Variants in METTL16 observed in about 807,000 individuals in gnomAD.
METTL16 encodes methyltransferase 16, RNA N6-adenosine.
In METTL16, 19 loss-of-function variants were observed where a neutral mutation model predicts 57.9. The ratio of observed to expected loss-of-function variants is 0.33; its 90% CI spans 0.23 to 0.48. METTL16 has a LOEUF of 0.48. METTL16 is among the 20% of genes least tolerant of loss of function. METTL16 has a pLI of 0.99. For synonymous variants in METTL16, 246 were observed against 255.6 expected (o/e 0.96, Z 0.36); for missense variants, 434 against 691.5 (o/e 0.63, Z 4.18).
chr17:2,510,075 A>AC (rs1467891306), intron 1 of METTL16, among the ~76,000 whole-genome samples: 2 of 151,986 alleles, frequency 1.3e-5, no homozygotes, highest in Admixed American at 1.3e-4. Context: ...ACTGTCTCAA[A>AC]AAAAAAAAAG....
At chr17:2,455,642 C>T (rs2067104574) in intron 6 of METTL16, among the ~76,000 whole-genome samples, 1 of 152,064 alleles carries the variant, frequency 6.6e-6, no homozygotes, top group South Asian at 2.1e-4. Context: ...AAGCATCATA[C>T]CTGAGTTAAA....
intron 6 of METTL16, among the ~76,000 whole-genome samples, chr17:2,443,577 C>G (rs987298166): frequency 6.6e-6 from 1 of 151,398 alleles, no homozygotes; most frequent in Non-Finnish European, 1.5e-5. Flanking sequence ...AGCTCCACCT[C>G]CTGAGTTCAG....
At chr17:2,467,652 TCCTGACTTCATGATTCACCCG>T in intron 5 of METTL16, 88 bp downstream of exon 5, 4 of 746,394 alleles carry the variant, frequency 5.4e-6, no homozygotes, top group Non-Finnish European at 9.3e-6. Flanking sequence ...GGTCTCAAAC[TCCTGACTTCATGATTCACCCG>T]CCTTGGCCTC....
At position 2,419,396 on chromosome 17, in the gene METTL16, G is replaced by A. The variant is rs1185017938; in HGVS notation, c.*574C>T. 7.4e-6 allele frequency: 2 copies of A among 269,628 alleles called. No individual in the cohort carries two copies. The highest frequency in any genetic ancestry group is 3.4e-5 in the South Asian group (1 of 29,644). The allele number at this position is 269,628 out of a possible 1,614,324, so 16.7% of individuals were successfully genotyped here. A position where few individuals can be genotyped will look rare whatever the true frequency, so the allele number is the denominator to read the frequency against. ...AGGTGTCAGGAATGTGCCATTTACCGGGTGGTCCCCAGACTCTGCTGCTCC... is the reference window on the plus strand; with the variant it reads ...AGGTGTCAGGAATGTGCCATTTACCAGGTGGTCCCCAGACTCTGCTGCTCC... On this transcript the variant is annotated 3_prime_UTR_variant, in exon 10 of 10. Transcript: ENST00000263092.
At chr17:2,491,684 G>C (rs1473427520) in intron 2 of METTL16, among the ~76,000 whole-genome samples, 8 of 151,470 alleles carry the variant, frequency 5.3e-5, no homozygotes, top group Admixed American at 1.3e-4. Flanking sequence ...GACCATCCTG[G>C]CTAACACGGT....
At chr17:2,429,849 C>T (rs968304047) in intron 8 of METTL16, among the ~76,000 whole-genome samples, 4 of 151,744 alleles carry the variant, frequency 2.6e-5, no homozygotes, top group Non-Finnish European at 5.9e-5. Flanking sequence ...CTCGCTCTGT[C>T]GCCCAGGCTG....
intron 8 of METTL16, chr17:2,436,822 T>C (rs1442371867): frequency 6.6e-6 from 1 of 151,668 alleles, no homozygotes; most frequent in Non-Finnish European, 1.5e-5. Flanking sequence ...GAGGTGGTTT[T>C]CCTTTACCTA....
At chr17:2,428,597 ATAT>A (rs1220840630) in intron 8 of METTL16, among the ~76,000 whole-genome samples, 14,460 of 49,668 alleles carry the variant, frequency 0.29, 2,433 homozygotes, top group East Asian at 0.6. Context: ...ATATATATAT[ATAT>A]ATAAATTGTA....
chr17:2,473,010 T>C (rs1310422628), intron 4 of METTL16, among the ~76,000 whole-genome samples: 1 of 152,086 alleles, frequency 6.6e-6, no homozygotes, highest in African/African-American at 2.4e-5. Flanking sequence ...GATAATGATG[T>C]GCCAGCATAG....
intron 6 of METTL16, among the ~76,000 whole-genome samples, chr17:2,446,363 T>C (rs1292226577): frequency 6.6e-6 from 1 of 152,170 alleles, no homozygotes; most frequent in Non-Finnish European, 1.5e-5. Context: ...AAAACTGCCT[T>C]TACTTCTGCC....
At chr17:2,426,030 C>CAAAAAAAAAAAAAAAAAAAA (rs71375599) in intron 8 of METTL16, among the ~76,000 whole-genome samples, 1 of 93,158 alleles carries the variant, frequency 1.1e-5, no homozygotes, top group African/African-American at 3.8e-5. Context: ...ATGGCTAAGG[C>CAAAAAAAAAAAAAAAAAAAA]AAAAAAAAAA....
intron 6 of METTL16, among the ~76,000 whole-genome samples, chr17:2,462,576 G>A (rs749442996): frequency 1.9e-4 from 29 of 152,076 alleles, no homozygotes; most frequent in Admixed American, 1.2e-3. Context: ...TGCTGTTCTG[G>A]TGACAGTGAG....
At chr17:2,457,294 C>T (rs1300719158) in intron 6 of METTL16, among the ~76,000 whole-genome samples, 1 of 144,000 alleles carries the variant, frequency 6.9e-6, no homozygotes, top group Non-Finnish European at 1.5e-5. Flanking sequence ...GCCGAGATCG[C>T]GCCACTGCAC....
chr17:2,485,906 T>TA (rs1271512559), intron 2 of METTL16, among the ~76,000 whole-genome samples: 1 of 152,110 alleles, frequency 6.6e-6, no homozygotes, highest in Non-Finnish European at 1.5e-5. Flanking sequence ...GGATCTGCCT[T>TA]AGGAAGGTCA....
chr17:2,448,760 A>T lies in METTL16; in HGVS notation c.729-7201T>A, dbSNP rs1306330155. Among the ~76,000 whole-genome samples, 128 of 132,014 alleles carry T rather than the reference A, an allele frequency of 9.7e-4. 1 individual carries two copies. Among genetic ancestry groups the T allele is most frequent in the African/African-American group, 3.5e-3 (110 of 31,406 alleles). The allele number at this position is 132,014 out of a possible 152,430, so 86.6% of individuals were successfully genotyped here. A position where few individuals can be genotyped will look rare whatever the true frequency, so the allele number is the denominator to read the frequency against. On this transcript the variant is annotated intron_variant, in intron 6 of 9. Coordinates refer to ENST00000263092, the MANE Select transcript of METTL16 (RefSeq NM_024086.4). ...ATCAATAAAAAAAAAAATAAAATAA[A>T]AAAAATAAAAAATAAAAAAATAAAA...
In METTL16 at chr17:2,462,521, G is replaced by A. The variant is rs149747416; in HGVS notation, c.728+1687C>T. ...AACTGTAATCTCTAGTGTTGGCGAC[G>A]GGGCCTGCTGGGAGGTGACTGGATC... On this transcript the variant is annotated intron_variant, in intron 6 of 9. Transcript: ENST00000263092. Among the ~76,000 whole-genome samples, 68 of 152,226 alleles carry A rather than the reference G, an allele frequency of 4.5e-4. 1 individual carries two copies. The highest frequency in any genetic ancestry group is 1.4e-3 in the African/African-American group (59 of 41,532).
chr17:2,468,570 G>A (rs2067216980), intron 4 of METTL16, among the ~76,000 whole-genome samples: 1 of 152,182 alleles, frequency 6.6e-6, no homozygotes, highest in Non-Finnish European at 1.5e-5. Flanking sequence ...GGAACTAGGA[G>A]ATAAATGTTT....
At chr17:2,441,621 A>C in intron 6 of METTL16, 62 bp from the exon 7 acceptor site, 1 of 1,092,348 alleles carries the variant, frequency 9.2e-7, no homozygotes, top group Non-Finnish European at 1.3e-6. Flanking sequence ...TAAACTAAGC[A>C]TTATTCAAGT....
intron 8 of METTL16, among the ~76,000 whole-genome samples, chr17:2,423,447 T>C (rs1457486898): frequency 2.6e-5 from 4 of 152,180 alleles, no homozygotes; most frequent in Admixed American, 2.6e-4. Flanking sequence ...TCATCCTGCA[T>C]GAGAAACATA....
Sources: allele counts gnomAD v4.1 joint callset (sites outside exome capture counted in the v4.1 genomes callset), GRCh38; gene constraint gnomAD v4.1.1; transcripts MANE v1.5; gene names NCBI Gene and HGNC (gene_info 2026-07-23, HGNC 2026-07-21).